SH3YL1: variants seen among roughly 807,000 people sequenced by gnomAD.
SH3YL1 encodes the protein SH3 and SYLF domain containing 1, also known as SH3 domain-containing YSC84-like protein 1.
A neutral mutation model predicts 45.8 loss-of-function variants in SH3YL1; 41 were observed. The ratio of observed to expected loss-of-function variants is 0.89; its 90% CI spans 0.70 to 1.16. The LOEUF is 1.16. Ranked by LOEUF, SH3YL1 falls within the 50% of genes most tolerant of loss-of-function variation. The probability of loss-of-function intolerance (pLI) is 0.00; values close to 1 mark genes in which losing one functional copy is unlikely to be tolerated. For missense variants in SH3YL1, 389 were observed against 409.6 expected (o/e 0.95, Z 0.43); for synonymous variants, 152 against 151.4 (o/e 1.00, Z -0.03).
chr2:219,094 G>T, intron 9 of SH3YL1, 93 bp from the exon 10 acceptor site: 1 of 983,382 alleles, frequency 1.0e-6, no homozygotes, highest in Non-Finnish European at 1.5e-6. Context: ...CTTAGGGCTT[G>T]GCATGCTGAT....
chr2:243,821 C>A (rs1668652885), intron 4 of SH3YL1, among the ~76,000 whole-genome samples: 1 of 152,116 alleles, frequency 6.6e-6, no homozygotes, highest in Middle Eastern at 3.2e-3. Context: ...ACACTAATGT[C>A]TCTGTATATT....
intron 9 of SH3YL1, among the ~76,000 whole-genome samples, chr2:221,737 G>A (rs1417384744): frequency 6.6e-6 from 1 of 152,156 alleles, no homozygotes. Context: ...TCCTGGGGAG[G>A]AGTACAAGAG....
chr2:237,560 A>G (rs1326413561), intron 4 of SH3YL1, among the ~76,000 whole-genome samples: 4 of 152,134 alleles, frequency 2.6e-5, no homozygotes, highest in Non-Finnish European at 5.9e-5. Flanking sequence ...AGAAGTCTGC[A>G]TTAAAACTCA....
intron 3 of SH3YL1, 42 bp from the exon 4 acceptor site, chr2:247,644 C>T (rs1668886136): frequency 6.8e-7 from 1 of 1,460,960 alleles, no homozygotes; most frequent in African/African-American, 1.4e-5. Context: ...CATTAAAACA[C>T]CCTCGACATG....
At chr2:236,310 G>A (rs1668301604) in intron 4 of SH3YL1, among the ~76,000 whole-genome samples, 1 of 152,078 alleles carries the variant, frequency 6.6e-6, no homozygotes, top group Non-Finnish European at 1.5e-5. Flanking sequence ...GTCCATCCCA[G>A]CTCCGCTTCT....
chr2:233,524 C>G (rs1257649110), intron 5 of SH3YL1, among the ~76,000 whole-genome samples: 1 of 152,174 alleles, frequency 6.6e-6, no homozygotes, highest in East Asian at 1.9e-4. Flanking sequence ...ATTTGTAAAT[C>G]TGACATTTTC....
chr2:238,435 G>C (rs1012839895), intron 4 of SH3YL1, among the ~76,000 whole-genome samples: 6 of 152,170 alleles, frequency 3.9e-5, no homozygotes, highest in African/African-American at 1.4e-4. Context: ...ACTGGACTCT[G>C]ATCTCTAACA....
At chr2:253,317 G>C (rs1476433845) in intron 1 of SH3YL1, among the ~76,000 whole-genome samples, 1 of 152,184 alleles carries the variant, frequency 6.6e-6, no homozygotes, top group African/African-American at 2.4e-5. Context: ...GTCACAGGAT[G>C]AGACAGGAGG....
intron 1 of SH3YL1, among the ~76,000 whole-genome samples, chr2:254,345 C>T (rs1040717137): frequency 2.6e-5 from 4 of 152,138 alleles, no homozygotes; most frequent in African/African-American, 7.2e-5. Context: ...TGAAGTATAT[C>T]GAGAAGATAG....
intron 1 of SH3YL1, among the ~76,000 whole-genome samples, chr2:255,575 C>T (rs1380989395): frequency 6.6e-6 from 1 of 152,172 alleles, no homozygotes; most frequent in Non-Finnish European, 1.5e-5. Context: ...CCAGCCTGGG[C>T]AACAGGGCAA....
At chr2:264,764 C>T, upstream of SH3YL1, 1 of 564,840 alleles carries the variant, frequency 1.8e-6, no homozygotes, top group Non-Finnish European at 3.0e-6. Flanking sequence ...CGCGGACCCT[C>T]CCCGCCCGTC....
upstream of SH3YL1, chr2:264,163 C>A: frequency 3.3e-6 from 3 of 905,990 alleles, no homozygotes; most frequent in East Asian, 1.0e-4. Context: ...GCCCGCCGGG[C>A]CGCGCTCAGG....
At position 247,283 on chromosome 2, in the gene SH3YL1, T is replaced by C. The variant is rs1014748339; in HGVS notation, c.291+255A>G. On this transcript the variant is annotated intron_variant, in intron 4 of 9. Coordinates refer to ENST00000356150, the MANE Select transcript of SH3YL1 (RefSeq NM_015677.4). ...GCCAGGTGTTGGGATGTGCCTGTTA[T>C]ACAAATGTGCATGAGACAGAAGCAG... 1.1e-4 allele frequency among the ~76,000 whole-genome samples: 17 copies of C among 152,168 alleles called. 1 individual carries two copies. Among genetic ancestry groups the C allele is most frequent in the African/African-American group, 1.4e-4 (6 of 41,416 alleles).
chr2:240,610 C>G (rs1381830148), intron 4 of SH3YL1: 1 of 152,160 alleles, frequency 6.6e-6, no homozygotes, highest in Non-Finnish European at 1.5e-5. Context: ...ACTACCTGTG[C>G]ACAGGAGCAC....
At chr2:230,075 A>T (rs1167875570) in intron 7 of SH3YL1, 31 bp from the exon 8 acceptor site, 3 of 1,537,592 alleles carry the variant, frequency 2.0e-6, no homozygotes, top group Non-Finnish European at 2.7e-6. Context: ...AATACACATA[A>T]TTTTAAAATC....
At chr2:242,641 T>A (rs1008755852) in intron 4 of SH3YL1, among the ~76,000 whole-genome samples, 1 of 152,098 alleles carries the variant, frequency 6.6e-6, no homozygotes, top group East Asian at 1.9e-4. Flanking sequence ...ATGGCTGATA[T>A]AAATCCAATG....
At chr2:251,963 G>C (rs987628525) in intron 2 of SH3YL1, among the ~76,000 whole-genome samples, 3 of 152,204 alleles carry the variant, frequency 2.0e-5, no homozygotes, top group African/African-American at 4.8e-5. Flanking sequence ...AGGCTGGTCT[G>C]TAACACTGTC....
intron 9 of SH3YL1, among the ~76,000 whole-genome samples, chr2:221,070 C>T (rs1304205508): frequency 1.3e-5 from 2 of 152,012 alleles, no homozygotes; most frequent in Non-Finnish European, 2.9e-5. Flanking sequence ...CCGCCCACTG[C>T]AATGAGCCAG....
intron 1 of SH3YL1, among the ~76,000 whole-genome samples, chr2:262,000 C>T (rs1055337386): frequency 1.3e-5 from 2 of 152,128 alleles, no homozygotes; most frequent in Non-Finnish European, 2.9e-5. Flanking sequence ...TGATAAAATT[C>T]CATCTAAGAT....
Sources: gnomAD v4.1 joint callset for allele counts (sites outside exome capture counted in the v4.1 genomes callset) on GRCh38, gnomAD v4.1.1 for gene constraint, MANE v1.5 for transcripts, NCBI Gene and HGNC (gene_info 2026-07-23, HGNC 2026-07-21) for gene names.